Variants in MDGA2 observed in about 807,000 individuals in gnomAD.
MDGA2 encodes MAM domain containing glycosylphosphatidylinositol anchor 2, also known as MAM domain-containing glycosylphosphatidylinositol anchor protein 2.
A neutral mutation model predicts 117.8 loss-of-function variants in MDGA2; 40 were observed. The observed-to-expected ratio is 0.34, with a 90% CI of 0.26 to 0.44. The LOEUF is 0.44. Ranked by LOEUF, MDGA2 falls within the 20% of genes least tolerant of loss-of-function variation. MDGA2 has a pLI of 1.00. For synonymous variants in MDGA2, 452 were observed against 439.0 expected, an observed-to-expected ratio of 1.03 and a Z score of -0.37; for missense variants, 1,123 against 1,250.6, an observed-to-expected ratio of 0.90 and a Z score of 1.54.
At chr14:47,571,221 T>A (rs2138821004) in intron 1 of MDGA2, among the ~76,000 whole-genome samples, 1 of 152,236 alleles carries the variant, frequency 6.6e-6, no homozygotes, top group Middle Eastern at 3.4e-3. Context: ...CTCATGCTGG[T>A]TAGAATTGTG....
chr14:46,970,965 T>C (rs990500725), intron 8 of MDGA2, among the ~76,000 whole-genome samples: 2 of 151,780 alleles, frequency 1.3e-5, no homozygotes, highest in Non-Finnish European at 2.9e-5. Context: ...ATTAGGAAAA[T>C]GCAAATCAAA....
intron 1 of MDGA2, among the ~76,000 whole-genome samples, chr14:47,515,575 G>C (rs1288691695): frequency 6.6e-6 from 1 of 151,640 alleles, no homozygotes; most frequent in African/African-American, 2.4e-5. Context: ...AGAGATGAGA[G>C]GTGAATCTAA....
rs1032738349 is a variant in MDGA2 at position 47,221,713 on chromosome 14, G to A, written c.421-3518C>T. Among the ~76,000 whole-genome samples, 12 of 150,188 alleles carry A rather than the reference G, an allele frequency of 8.0e-5. No homozygotes were observed. In the East Asian group the frequency reaches 1.8e-3, roughly 22 times the overall value. ...AAAAAAAAAAAAAAAAGAGATTACG[G>A]GAAGTGAGTGGAAAAAATAGAAACT... On this transcript the variant is annotated intron_variant, in intron 2 of 16. Transcript: ENST00000399232.
At chr14:47,296,005 G>C (rs1357621668) in intron 2 of MDGA2, among the ~76,000 whole-genome samples, 1 of 152,048 alleles carries the variant, frequency 6.6e-6, no homozygotes, top group East Asian at 1.9e-4. Flanking sequence ...AAGTTAAAAT[G>C]GAATTGGTAC....
At chr14:47,642,354 G>A (rs1007894269) in intron 1 of MDGA2, among the ~76,000 whole-genome samples, 3 of 152,026 alleles carry the variant, frequency 2.0e-5, no homozygotes, top group Non-Finnish European at 4.4e-5. Flanking sequence ...TCTTTATGCT[G>A]AACAAATATG....
chr14:46,929,223 T>A (rs1884443117), intron 9 of MDGA2, among the ~76,000 whole-genome samples: 1 of 152,118 alleles, frequency 6.6e-6, no homozygotes, highest in African/African-American at 2.4e-5. Context: ...GCCATTTATA[T>A]ATGTATGAAC....
chr14:47,360,751 C>T (rs566719005), intron 1 of MDGA2, among the ~76,000 whole-genome samples: 3 of 152,190 alleles, frequency 2.0e-5, no homozygotes, highest in Admixed American at 6.5e-5. Flanking sequence ...AAATCAGCAC[C>T]TTGTAGAGAT....
chr14:47,318,465 C>A (rs531211422), intron 1 of MDGA2, among the ~76,000 whole-genome samples: 15 of 152,126 alleles, frequency 9.9e-5, no homozygotes, highest in Non-Finnish European at 1.8e-4. Flanking sequence ...CATTCCTTGA[C>A]CCCTGTGAAC....
At chr14:46,842,423 G>A (rs1274747079) in intron 16 of MDGA2, among the ~76,000 whole-genome samples, 3 of 151,888 alleles carry the variant, frequency 2.0e-5, no homozygotes, top group African/African-American at 7.3e-5. Context: ...AAGACTGAAA[G>A]AAAATCTATC....
chr14:47,124,750 G>A (rs537243255), intron 5 of MDGA2, among the ~76,000 whole-genome samples: 84 of 152,014 alleles, frequency 5.5e-4, no homozygotes, highest in African/African-American at 1.9e-3. Context: ...GACACTAGAG[G>A]AAGGGACACT....
At chr14:47,215,094 T>A (rs1319697284) in intron 3 of MDGA2, among the ~76,000 whole-genome samples, 3 of 152,116 alleles carry the variant, frequency 2.0e-5, no homozygotes, top group Non-Finnish European at 2.9e-5. Flanking sequence ...CTGATATTGA[T>A]GAAAGTTCCA....
chr14:46,971,057 A>C (rs1363861799), intron 8 of MDGA2, among the ~76,000 whole-genome samples: 5 of 152,018 alleles, frequency 3.3e-5, no homozygotes, highest in African/African-American at 1.2e-4. Flanking sequence ...AAACAAAAAC[A>C]CAAAAAAACA....
chr14:46,888,844 T>G (rs1184365830), intron 10 of MDGA2, among the ~76,000 whole-genome samples: 1 of 151,914 alleles, frequency 6.6e-6, no homozygotes, highest in Non-Finnish European at 1.5e-5. Context: ...TGTGTGTTTA[T>G]TTCATTTATT....
intron 1 of MDGA2, among the ~76,000 whole-genome samples, chr14:47,378,868 G>A (rs937401329): frequency 3.9e-5 from 6 of 151,992 alleles, no homozygotes; most frequent in African/African-American, 9.7e-5. Context: ...TACAGAGAAC[G>A]CCACAAAGAT....
chr14:47,510,614 C>T (rs980011378), intron 1 of MDGA2, among the ~76,000 whole-genome samples: 10 of 152,144 alleles, frequency 6.6e-5, no homozygotes. Flanking sequence ...AGTTATTCCT[C>T]CCCTCCCTTT....
intron 3 of MDGA2, among the ~76,000 whole-genome samples, chr14:47,173,651 A>G (rs373621572): frequency 3.7e-4 from 56 of 152,346 alleles, no homozygotes; most frequent in Admixed American, 1.6e-3. Flanking sequence ...TGAAGGAAGC[A>G]CTAAACATGG....
At chr14:47,140,478 A>G (rs2139188716) in intron 4 of MDGA2, among the ~76,000 whole-genome samples, 1 of 152,246 alleles carries the variant, frequency 6.6e-6, no homozygotes, top group Non-Finnish European at 1.5e-5. Flanking sequence ...ACATAAAAAT[A>G]GACATAGAGA....
chr14:47,188,624 T>C (rs1400097914), intron 3 of MDGA2, among the ~76,000 whole-genome samples: 1 of 152,194 alleles, frequency 6.6e-6, no homozygotes, highest in Admixed American at 6.5e-5. Context: ...CCATAAAATT[T>C]TGGGGTAATT....
At position 47,613,479 on chromosome 14, in the gene MDGA2, T is replaced by TCTCTCACACACACACA. The variant is rs1023859588; in HGVS notation, c.280+61037_280+61038insTGTGTGTGTGTGAGAG. 2.2e-3 allele frequency among the ~76,000 whole-genome samples: 316 copies of TCTCTCACACACACACA among 141,156 alleles called. 2 individuals carry two copies. The highest frequency in any genetic ancestry group is 8.4e-3 in the African/African-American group (310 of 36,798). The allele number at this position is 141,156 out of a possible 152,430, so 92.6% of individuals were successfully genotyped here. On this transcript the variant is annotated intron_variant, in intron 1 of 16. Transcript: ENST00000399232. ...ATTTATCTCTCTCTCTCTCTCTCTCTCACACACACACACACACACACACAC... is the reference window on the plus strand; with the variant it reads ...ATTTATCTCTCTCTCTCTCTCTCTCTCTCTCACACACACACACACACACACACACACACACACACAC...
Sources: allele counts gnomAD v4.1 joint callset (sites outside exome capture counted in the v4.1 genomes callset), GRCh38; gene constraint gnomAD v4.1.1; transcripts MANE v1.5; gene names NCBI Gene and HGNC (gene_info 2026-07-23, HGNC 2026-07-21).